TRAPPC9: variants seen among roughly 807,000 people sequenced by gnomAD.
TRAPPC9 encodes IKK2 binding protein.
TRAPPC9 carries 83 observed loss-of-function variants against 124.0 expected under a neutral mutation model. The ratio of observed to expected loss-of-function variants is 0.67; its 90% CI spans 0.56 to 0.80. The LOEUF is 0.80. TRAPPC9 is among the 30% of genes least tolerant of loss of function. The probability of loss-of-function intolerance (pLI) is 0.00; values close to 1 mark genes in which losing one functional copy is unlikely to be tolerated. For synonymous variants in TRAPPC9, 638 were observed against 617.5 expected, an observed-to-expected ratio of 1.03 and a Z score of -0.49; for missense variants, 1,302 against 1,508.3, an observed-to-expected ratio of 0.86 and a Z score of 2.27.
At chr8:139,750,245 C>T (rs1055166403) in intron 21 of TRAPPC9, among the ~76,000 whole-genome samples, 2 of 152,116 alleles carry the variant, frequency 1.3e-5, no homozygotes, top group East Asian at 1.9e-4. Flanking sequence ...TAATTTAATC[C>T]GGGGTCCCAG....
intron 7 of TRAPPC9, among the ~76,000 whole-genome samples, chr8:140,384,714 A>G (rs2068706288): frequency 6.6e-6 from 1 of 152,234 alleles, no homozygotes; most frequent in East Asian, 1.9e-4. Flanking sequence ...CCACACAGTA[A>G]TAATGGGAGA....
rs529957362 is a variant in TRAPPC9 at position 139,825,123 on chromosome 8, C to T, written c.3055+60756G>A. Among the ~76,000 whole-genome samples, 20 of 152,136 alleles carry T rather than the reference C, an allele frequency of 1.3e-4. No individual in the cohort carries two copies. In the South Asian group the frequency reaches 3.3e-3, roughly 25 times the overall value. ...GATGACCCGGGCCCTGGACGTGGGA[C>T]GTGGGCTGCGGGACTACAGGATTAC... On this transcript the variant is annotated intron_variant, in intron 21 of 22. Transcript: ENST00000438773. The surrounding 1 kb of genome is among the most constrained non-coding windows in gnomAD (Gnocchi z 4.6).
chr8:140,401,849 C>A (rs2069285382), intron 6 of TRAPPC9, among the ~76,000 whole-genome samples: 1 of 151,462 alleles, frequency 6.6e-6, no homozygotes, highest in African/African-American at 2.4e-5. Flanking sequence ...TGGTCTGGAA[C>A]TCCTGAGCTC....
At chr8:140,336,907 T>C (rs1429826781) in intron 9 of TRAPPC9, among the ~76,000 whole-genome samples, 1 of 87,794 alleles carries the variant, frequency 1.1e-5, no homozygotes, top group Admixed American at 1.2e-4. Context: ...TAACAGGATA[T>C]GGGGTAAGAC....
intron 17 of TRAPPC9, among the ~76,000 whole-genome samples, chr8:140,073,082 T>C (rs926659587): frequency 2.6e-5 from 4 of 152,220 alleles, no homozygotes; most frequent in African/African-American, 9.6e-5. Flanking sequence ...ACCGGAGCTC[T>C]TACACTGCCG....
At chr8:139,761,817 G>A (rs963336259) in intron 21 of TRAPPC9, among the ~76,000 whole-genome samples, 2 of 151,518 alleles carry the variant, frequency 1.3e-5, no homozygotes, top group African/African-American at 2.4e-5. Context: ...CACACCCTGC[G>A]TATTTCTCAA....
At chr8:139,894,721 C>T (rs539657573) in intron 20 of TRAPPC9, among the ~76,000 whole-genome samples, 12 of 152,308 alleles carry the variant, frequency 7.9e-5, no homozygotes, top group Admixed American at 3.9e-4. Context: ...AGAGTGGAAA[C>T]GTGTGTGCCG....
At chr8:139,896,039 T>C (rs1194158796) in intron 20 of TRAPPC9, among the ~76,000 whole-genome samples, 2 of 152,214 alleles carry the variant, frequency 1.3e-5, no homozygotes, top group African/African-American at 4.8e-5. Flanking sequence ...TCCAATAGCA[T>C]ATTTCTGTAT....
intron 17 of TRAPPC9, among the ~76,000 whole-genome samples, chr8:140,078,175 C>A (rs559134065): frequency 3.5e-4 from 54 of 152,276 alleles, no homozygotes; most frequent in African/African-American, 1.3e-3. Context: ...CTTTTCTCTG[C>A]GTTCAAATTG....
intron 17 of TRAPPC9, among the ~76,000 whole-genome samples, chr8:140,070,680 A>T (rs116724907): frequency 3.3e-5 from 5 of 152,140 alleles, no homozygotes; most frequent in Non-Finnish European, 7.3e-5. Flanking sequence ...CACGCCAAAA[A>T]CTGGCTCAGA....
At chr8:140,079,659 G>T (rs1299263694) in intron 17 of TRAPPC9, among the ~76,000 whole-genome samples, 1 of 152,192 alleles carries the variant, frequency 6.6e-6, no homozygotes, top group Non-Finnish European at 1.5e-5. Context: ...GGCCAGGCAT[G>T]GTGGCTCATG....
intron 7 of TRAPPC9, among the ~76,000 whole-genome samples, chr8:140,377,460 G>A (rs991191691): frequency 7.9e-5 from 12 of 151,918 alleles, no homozygotes; most frequent in Non-Finnish European, 1.0e-4. Flanking sequence ...CGCCACACCC[G>A]GCTACTTTTT....
intron 21 of TRAPPC9, among the ~76,000 whole-genome samples, chr8:139,778,415 T>C (rs547670742): frequency 6.6e-6 from 1 of 152,178 alleles, no homozygotes; most frequent in African/African-American, 2.4e-5. Flanking sequence ...AATGAAAGAT[T>C]ACCAGGCATG....
chr8:140,271,006 CAG>C (rs1233900062), intron 15 of TRAPPC9, among the ~76,000 whole-genome samples: 2 of 152,208 alleles, frequency 1.3e-5, no homozygotes, highest in Non-Finnish European at 2.9e-5. Flanking sequence ...ACGATTACCA[CAG>C]AGTTTATTTG....
intron 9 of TRAPPC9, among the ~76,000 whole-genome samples, chr8:140,344,015 C>G (rs1470020652): frequency 6.6e-6 from 1 of 152,118 alleles, no homozygotes; most frequent in Non-Finnish European, 1.5e-5. Flanking sequence ...CTGTTATGGT[C>G]TGAACGTCTG....
intron 19 of TRAPPC9, among the ~76,000 whole-genome samples, chr8:139,950,900 G>C (rs1232974697): frequency 6.6e-6 from 1 of 152,212 alleles, no homozygotes; most frequent in Non-Finnish European, 1.5e-5. Flanking sequence ...GCAAGAGGAG[G>C]CGCGGCAGGG....
chr8:140,336,440 G>A (rs143623828), intron 9 of TRAPPC9, among the ~76,000 whole-genome samples: 1 of 152,202 alleles, frequency 6.6e-6, no homozygotes, highest in Non-Finnish European at 1.5e-5. Context: ...CCAAAACTGA[G>A]GGCCACTGGA....
intron 17 of TRAPPC9, among the ~76,000 whole-genome samples, chr8:140,153,803 T>C (rs1381825718): frequency 6.6e-6 from 1 of 152,210 alleles, no homozygotes; most frequent in African/African-American, 2.4e-5. Context: ...CCAAATTTCT[T>C]CACAGGGTAT....
At chr8:140,392,878 T>C (rs917008603) in intron 7 of TRAPPC9, among the ~76,000 whole-genome samples, 59 of 152,150 alleles carry the variant, frequency 3.9e-4, no homozygotes, top group Admixed American at 9.8e-4. Context: ...GCTGCCTGCA[T>C]CCCTTTGATA....
Sources: allele counts gnomAD v4.1 joint callset (sites outside exome capture counted in the v4.1 genomes callset), GRCh38; gene constraint gnomAD v4.1.1; non-coding constraint Gnocchi (gnomAD v3.1); transcripts MANE v1.5; gene names NCBI Gene and HGNC (gene_info 2026-07-23, HGNC 2026-07-21).